Variants in ATP8A2 observed in about 807,000 individuals in gnomAD.
ATP8A2 encodes the protein phospholipid-transporting ATPase IB.
In ATP8A2, 100 loss-of-function variants were observed where a neutral mutation model predicts 165.6. The observed-to-expected ratio is 0.60, with a 90% CI of 0.51 to 0.71. The LOEUF (loss-of-function observed/expected upper bound fraction) is 0.71, where lower values mean the gene tolerates loss of function less well. ATP8A2 is among the 30% of genes least tolerant of loss of function. The pLI is 0.00. For missense variants in ATP8A2, 1,227 were observed against 1,479.5 expected (o/e 0.83, Z 2.80); for synonymous variants, 543 against 548.8 (o/e 0.99, Z 0.15).
intron 33 of ATP8A2, among the ~76,000 whole-genome samples, chr13:25,910,934 T>A (rs1360243474): frequency 2.0e-5 from 3 of 151,958 alleles, no homozygotes; most frequent in African/African-American, 7.3e-5. Context: ...ATTTTTTTTT[T>A]TTTTTTTAAG....
At chr13:25,398,241 A>T (rs2033497059) in intron 1 of ATP8A2, among the ~76,000 whole-genome samples, 2 of 152,196 alleles carry the variant, frequency 1.3e-5, no homozygotes, top group African/African-American at 2.4e-5. Flanking sequence ...GTTATCTGTC[A>T]TGTGATGCTA....
chr13:25,442,976 T>C (rs1466482421), intron 1 of ATP8A2, among the ~76,000 whole-genome samples: 4 of 152,198 alleles, frequency 2.6e-5, no homozygotes, highest in Non-Finnish European at 5.9e-5. Context: ...TTTGCAAATA[T>C]TTTCTCTCAT....
At chr13:25,485,602 T>C (rs573354661) in intron 2 of ATP8A2, among the ~76,000 whole-genome samples, 72 of 152,262 alleles carry the variant, frequency 4.7e-4, no homozygotes, top group Admixed American at 1.2e-3. Flanking sequence ...TTGAAAGTTC[T>C]TCCTCTGCAT....
chr13:25,884,062 T>G (rs1016375179), intron 33 of ATP8A2, among the ~76,000 whole-genome samples: 51 of 152,270 alleles, frequency 3.3e-4, no homozygotes, highest in Non-Finnish European at 1.8e-4. Flanking sequence ...ATGGGGTTCT[T>G]CAGACTTACC....
intron 2 of ATP8A2, among the ~76,000 whole-genome samples, chr13:25,496,189 T>A (rs1377963793): frequency 6.6e-6 from 1 of 152,176 alleles, no homozygotes; most frequent in African/African-American, 2.4e-5. Flanking sequence ...GATGACTTTA[T>A]GTAATTATGT....
chr13:25,411,714 T>A (rs139356799), intron 1 of ATP8A2, among the ~76,000 whole-genome samples: 1 of 152,310 alleles, frequency 6.6e-6, no homozygotes, highest in East Asian at 1.9e-4. Flanking sequence ...TACACATACA[T>A]ATTTATATAT....
chr13:25,747,393 C>T (rs2044057031), intron 25 of ATP8A2, among the ~76,000 whole-genome samples: 1 of 152,162 alleles, frequency 6.6e-6, no homozygotes, highest in African/African-American at 2.4e-5. Flanking sequence ...TGTGGTCTTT[C>T]CACATAAGAG....
chr13:25,514,141 T>G (rs1390812145), intron 2 of ATP8A2, among the ~76,000 whole-genome samples: 1 of 152,238 alleles, frequency 6.6e-6, no homozygotes, highest in Non-Finnish European at 1.5e-5. Flanking sequence ...TATTTTTCAC[T>G]TCCTTTTTTG....
chr13:25,942,070 A>G (rs1025980229), intron 33 of ATP8A2, among the ~76,000 whole-genome samples: 1 of 151,992 alleles, frequency 6.6e-6, no homozygotes, highest in African/African-American at 2.4e-5. Flanking sequence ...TATTATATGT[A>G]CTCTTCCTCA....
chr13:25,606,458 A>G (rs1176992673), intron 24 of ATP8A2, among the ~76,000 whole-genome samples: 3 of 152,216 alleles, frequency 2.0e-5, no homozygotes, highest in African/African-American at 7.2e-5. Flanking sequence ...TTTCTTAGAG[A>G]TTAGCTCTCT....
intron 1 of ATP8A2, among the ~76,000 whole-genome samples, chr13:25,380,301 C>T (rs2032790854): frequency 6.6e-6 from 1 of 152,046 alleles, no homozygotes; most frequent in African/African-American, 2.4e-5. Context: ...CTTTAGAGAG[C>T]CCAAGATACT....
intron 1 of ATP8A2, among the ~76,000 whole-genome samples, chr13:25,449,953 A>G (rs1014543318): frequency 6.6e-6 from 1 of 151,886 alleles, no homozygotes. Context: ...CCCATCAGCT[A>G]TTTTTCCTGA....
At chr13:25,566,932 G>A (rs1469656000) in intron 16 of ATP8A2, among the ~76,000 whole-genome samples, 2 of 152,196 alleles carry the variant, frequency 1.3e-5, no homozygotes, top group Admixed American at 1.3e-4. Flanking sequence ...TTTGGTTTGT[G>A]TAGACAGAGA....
chr13:25,411,367 A>C (rs2033960249), intron 1 of ATP8A2, among the ~76,000 whole-genome samples: 1 of 152,112 alleles, frequency 6.6e-6, no homozygotes, highest in Non-Finnish European at 1.5e-5. Flanking sequence ...GAAGAGGGAG[A>C]ATCTAATGTT....
chr13:25,787,224 C>A (rs1271601034), intron 27 of ATP8A2, among the ~76,000 whole-genome samples: 1 of 152,234 alleles, frequency 6.6e-6, no homozygotes, highest in East Asian at 1.9e-4. Flanking sequence ...CCCTGTCCCC[C>A]TCAGGGGACT....
At chr13:26,001,073 C>T (rs1039037881) in intron 35 of ATP8A2, among the ~76,000 whole-genome samples, 1 of 152,168 alleles carries the variant, frequency 6.6e-6, no homozygotes, top group East Asian at 1.9e-4. Context: ...CTGGCAAACA[C>T]GAGCCTGTTT....
intron 25 of ATP8A2, among the ~76,000 whole-genome samples, chr13:25,730,831 T>C (rs1223331201): frequency 1.3e-5 from 2 of 151,994 alleles, no homozygotes; most frequent in Non-Finnish European, 2.9e-5. Flanking sequence ...ATCCTAGCAC[T>C]TTGGGAGGCC....
At chr13:25,801,881 G>A (rs1460597279) in intron 27 of ATP8A2, among the ~76,000 whole-genome samples, 2 of 152,064 alleles carry the variant, frequency 1.3e-5, no homozygotes, top group Non-Finnish European at 2.9e-5. Flanking sequence ...TCACATGGCA[G>A]CATCAAGGAG....
chr13:25,852,061 T>C (rs1260834748), intron 30 of ATP8A2, among the ~76,000 whole-genome samples: 1 of 152,140 alleles, frequency 6.6e-6, no homozygotes, highest in Admixed American at 6.5e-5. Context: ...CCGACCCCAA[T>C]GTCTCCTCCT....
Sources: gnomAD v4.1 joint callset for allele counts (sites outside exome capture counted in the v4.1 genomes callset) on GRCh38, gnomAD v4.1.1 for gene constraint, MANE v1.5 for transcripts, NCBI Gene and HGNC (gene_info 2026-07-23, HGNC 2026-07-21) for gene names.